LRP2: variants seen among roughly 807,000 people sequenced by gnomAD.
LRP2 encodes the protein low-density lipoprotein receptor-related protein 2.
LRP2 carries 172 observed loss-of-function variants against 531.0 expected under a neutral mutation model. The ratio of observed to expected loss-of-function variants is 0.32; its 90% confidence interval spans 0.29 to 0.37. The LOEUF (loss-of-function observed/expected upper bound fraction) is 0.37. Ranked by LOEUF, LRP2 falls within the 10% of genes least tolerant of loss-of-function variation. The pLI is 1.00. For missense variants in LRP2, 5,167 were observed against 5,868.3 expected, an observed-to-expected ratio of 0.88 and a Z score of 3.90; for synonymous variants, 1,992 against 2,027.6, an observed-to-expected ratio of 0.98 and a Z score of 0.47.
chr2:169,315,537 T>C (rs1378153911), intron 3 of LRP2, among the ~76,000 whole-genome samples: 2 of 152,196 alleles, frequency 1.3e-5, no homozygotes. Context: ...GGACACAGCA[T>C]GGCACACCCA....
rs989293171 is a variant in LRP2, at chr2:169,292,296, A to T, written c.726T>A (p.Asp242Glu). Residue 242 changes from aspartate (D) to glutamate (E), a missense_variant, in exon 7 of 79, where the codon GAT becomes GAA. By Grantham distance (45) the Asp-to-Glu change is conservative. Around this residue, in one of 6 missense-constraint regions of LRP2, gnomAD observed 2,811 missense variants for 3,058.0 expected, o/e 0.92. Coordinates refer to ENST00000649046, the MANE Select transcript of LRP2 (RefSeq NM_004525.3). ...CATTATCTTTACAGTCATCTTCTCC[A>T]TCACAAACCCAGTTTTGATAAATGC... ...GRCIYQNWVC[D>E]GEDDCKDNGD... The T allele has an allele frequency of 2.5e-6, 4 of 1,614,016 alleles. No homozygotes were observed. The African/African-American group carries it at 5.3e-5, about 22-fold the overall frequency.
chr2:169,284,141 G>C (rs1174622908), intron 9 of LRP2, among the ~76,000 whole-genome samples: 1 of 151,746 alleles, frequency 6.6e-6, no homozygotes, highest in East Asian at 1.9e-4. Flanking sequence ...GATTACATTT[G>C]CAGCAACTGT....
chr2:169,242,161 C>T (rs1420726613), intron 24 of LRP2, among the ~76,000 whole-genome samples: 12 of 149,882 alleles, frequency 8.0e-5, no homozygotes, highest in Non-Finnish European at 1.5e-4. Flanking sequence ...ACCTTTCTGA[C>T]GCAGGAGGAG....
intron 37 of LRP2, among the ~76,000 whole-genome samples, chr2:169,210,991 G>A (rs1320203563): frequency 6.6e-6 from 1 of 152,030 alleles, no homozygotes; most frequent in Non-Finnish European, 1.5e-5. Flanking sequence ...ATCTTTCAAC[G>A]TTTCTGTGTT....
chr2:169,257,768 T>C (rs1222555523), intron 17 of LRP2, among the ~76,000 whole-genome samples: 1 of 151,184 alleles, frequency 6.6e-6, no homozygotes, highest in Non-Finnish European at 1.5e-5. Context: ...CCAAGCATTT[T>C]TTTAATATTC....
At chr2:169,223,328 G>A (rs942673510) in intron 33 of LRP2, among the ~76,000 whole-genome samples, 3 of 152,128 alleles carry the variant, frequency 2.0e-5, no homozygotes, top group African/African-American at 7.2e-5. Flanking sequence ...TAACACTAAT[G>A]GGAAAGACAC....
At chr2:169,254,643 T>TAAAAAAAAAAAAAAAAAAAAAAAA (rs528767921) in intron 19 of LRP2, among the ~76,000 whole-genome samples, 4 of 73,232 alleles carry the variant, frequency 5.5e-5, no homozygotes, top group African/African-American at 1.8e-4. Flanking sequence ...TAGAGTATAA[T>TAAAAAAAAAAAAAAAAAAAAAAAA]AAAAAAAAAA....
chr2:169,141,731 T>C (rs1685724147), intron 71 of LRP2, among the ~76,000 whole-genome samples: 2 of 152,196 alleles, frequency 1.3e-5, no homozygotes, highest in African/African-American at 4.8e-5. Context: ...ATCCACAGCA[T>C]GGAACAAATC....
intron 71 of LRP2, 87 bp from the exon 72 acceptor site, chr2:169,140,632 G>A: frequency 1.0e-6 from 1 of 979,282 alleles, no homozygotes; most frequent in Non-Finnish European, 1.6e-6. Context: ...GTTAGGGGTG[G>A]GAGGAGGGGC....
intron 1 of LRP2, among the ~76,000 whole-genome samples, chr2:169,348,703 A>G (rs1487054837): frequency 6.6e-6 from 1 of 152,206 alleles, no homozygotes; most frequent in Non-Finnish European, 1.5e-5. Context: ...CTGTATGTAC[A>G]GGGGAATTCT....
chr2:169,266,660 T>C (rs1328831757), intron 16 of LRP2, among the ~76,000 whole-genome samples: 1 of 152,048 alleles, frequency 6.6e-6, no homozygotes, highest in East Asian at 1.9e-4. Context: ...GCTCTCTTAG[T>C]TGGTATGTTA....
chr2:169,294,922 T>G (rs959390556), intron 4 of LRP2, among the ~76,000 whole-genome samples: 2 of 152,000 alleles, frequency 1.3e-5, no homozygotes, highest in East Asian at 3.9e-4. Flanking sequence ...AATGGTAAAT[T>G]ACAAACTGGG....
intron 47 of LRP2, 110 bp from the exon 48 acceptor site, chr2:169,192,143 A>C (rs1021753529): frequency 2.0e-5 from 14 of 695,612 alleles, no homozygotes; most frequent in Admixed American, 8.4e-5. Flanking sequence ...AATGGGAGGA[A>C]AACACGTAGA....
At chr2:169,290,769 A>C in intron 8 of LRP2, 76 bp downstream of exon 8, 1 of 1,467,084 alleles carries the variant, frequency 6.8e-7, no homozygotes, top group Non-Finnish European at 9.5e-7. Context: ...CAACAGATAC[A>C]CTGTATTTGA....
intron 63 of LRP2, among the ~76,000 whole-genome samples, chr2:169,158,059 T>TACACACACACAC (rs765403252): frequency 1.2e-3 from 99 of 82,576 alleles, no homozygotes; most frequent in African/African-American, 4.3e-3. Context: ...CAATTGATTA[T>TACACACACACAC]ATACACACAC....
At chr2:169,360,697 C>T (rs1235606396) in intron 1 of LRP2, among the ~76,000 whole-genome samples, 2 of 152,102 alleles carry the variant, frequency 1.3e-5, no homozygotes, top group Non-Finnish European at 2.9e-5. Context: ...CCTCTTTCTG[C>T]GTTACCAACA....
At chr2:169,247,572 T>C in intron 19 of LRP2, 57 bp from the exon 20 acceptor site, 2 of 1,587,290 alleles carry the variant, frequency 1.3e-6, no homozygotes, top group Non-Finnish European at 1.7e-6. Context: ...TATAAATAAA[T>C]CACTTGAGAA....
chr2:169,237,386 CT>C (rs1689644808), intron 27 of LRP2, 99 bp from the exon 28 acceptor site: 1 of 972,414 alleles, frequency 1.0e-6, no homozygotes, highest in Admixed American at 2.0e-5. Flanking sequence ...CTAACTTGTC[CT>C]ATAATTACTT....
At chr2:169,293,450 C>A (rs368074874) in intron 6 of LRP2, among the ~76,000 whole-genome samples, 1 of 152,028 alleles carries the variant, frequency 6.6e-6, no homozygotes, top group Non-Finnish European at 1.5e-5. Context: ...CCGAGGCGGG[C>A]GGATCACTTG....
Sources: allele counts gnomAD v4.1 joint callset (sites outside exome capture counted in the v4.1 genomes callset), GRCh38; gene constraint gnomAD v4.1.1; regional missense constraint gnomAD v4.1.1; transcripts MANE v1.5; gene names NCBI Gene and HGNC (gene_info 2026-07-23, HGNC 2026-07-21).